The following DAAM1 variants were observed in gnomAD, a reference collection of about 807,000 sequenced individuals.
The protein encoded by DAAM1 is disheveled-associated activator of morphogenesis 1.
In DAAM1, 52 loss-of-function variants were observed where a neutral mutation model predicts 130.0. The observed-to-expected ratio is 0.40, with a 90% confidence interval of 0.32 to 0.50. DAAM1 has a LOEUF of 0.50. Ranked by LOEUF, DAAM1 falls within the 20% of genes least tolerant of loss-of-function variation. DAAM1 has a pLI of 0.61. For synonymous variants in DAAM1, 452 were observed against 444.5 expected (o/e 1.02, Z -0.21); for missense variants, 1,134 against 1,303.8 (o/e 0.87, Z 2.01).
At chr14:59,250,479 C>A (rs540034862) in intron 1 of DAAM1, among the ~76,000 whole-genome samples, 1 of 152,206 alleles carries the variant, frequency 6.6e-6, no homozygotes, top group South Asian at 2.1e-4. Flanking sequence ...GCACAAAAAG[C>A]AAGCTGTAAT....
At chr14:59,285,482 T>C (rs751260351) in intron 2 of DAAM1, among the ~76,000 whole-genome samples, 1 of 152,132 alleles carries the variant, frequency 6.6e-6, no homozygotes, top group Non-Finnish European at 1.5e-5. Flanking sequence ...TCAAAAGGCA[T>C]GGAGTAGCAA....
chr14:59,334,301 T>A (rs1262983923), intron 15 of DAAM1, among the ~76,000 whole-genome samples: 1 of 152,218 alleles, frequency 6.6e-6, no homozygotes, highest in Non-Finnish European at 1.5e-5. Context: ...AATGTCCCCT[T>A]ATCTCATGAC....
chr14:59,271,329 TA>T (rs1347330792), intron 2 of DAAM1, among the ~76,000 whole-genome samples: 1 of 151,726 alleles, frequency 6.6e-6, no homozygotes, highest in Non-Finnish European at 1.5e-5. Context: ...AATGAGAAGG[TA>T]GTGATGGTGG....
chr14:59,263,711 A>G, intron 2 of DAAM1, 51 bp downstream of exon 2: 1 of 1,547,844 alleles, frequency 6.5e-7, no homozygotes, highest in Non-Finnish European at 8.9e-7. Flanking sequence ...GAGAAGGAGA[A>G]GAGGAGAGGA....
rs149885754 is a variant in DAAM1, at chr14:59,289,268, A to G, written c.184-1949A>G. On this transcript the variant is annotated intron_variant, in intron 2 of 24. Transcript: ENST00000360909. ...TAATAGGAACTCACTCGCTCATCAC[A>G]AAAACAGTGAGGGGGAATCCACCCC... 1.6e-4 allele frequency among the ~76,000 whole-genome samples: 25 copies of G among 152,218 alleles called. No homozygotes were observed. In the East Asian group the frequency reaches 4.6e-3, roughly 28 times the overall value.
At chr14:59,198,461 CCT>C in intron 1 of DAAM1, among the ~76,000 whole-genome samples, 1 of 152,206 alleles carries the variant, frequency 6.6e-6, no homozygotes, top group East Asian at 1.9e-4. Context: ...GAACTCCTGA[CCT>C]CATGATCCGC....
chr14:59,281,441 A>G (rs1057444424), intron 2 of DAAM1, among the ~76,000 whole-genome samples: 1 of 152,070 alleles, frequency 6.6e-6, no homozygotes, highest in Non-Finnish European at 1.5e-5. Flanking sequence ...CTTGCCTTGT[A>G]TCAGACCTTA....
chr14:59,342,852 C>T (rs1014911959), intron 16 of DAAM1, among the ~76,000 whole-genome samples: 4 of 151,884 alleles, frequency 2.6e-5, no homozygotes, highest in African/African-American at 4.8e-5. Context: ...GAGGAGGGGC[C>T]GGGAAGGTGG....
intron 23 of DAAM1, 109 bp downstream of exon 23, chr14:59,363,891 C>G: frequency 1.4e-6 from 2 of 1,465,872 alleles, no homozygotes; most frequent in Non-Finnish European, 1.8e-6. Flanking sequence ...ATCCAAACTT[C>G]GTGGTGCAGG....
intron 2 of DAAM1, among the ~76,000 whole-genome samples, chr14:59,277,129 C>A (rs915253502): frequency 6.6e-6 from 1 of 152,002 alleles, no homozygotes; most frequent in African/African-American, 2.4e-5. Flanking sequence ...ATAAATGATC[C>A]CATATTTCAG....
intron 17 of DAAM1, among the ~76,000 whole-genome samples, chr14:59,352,079 G>A (rs918817839): frequency 6.6e-5 from 10 of 152,180 alleles, no homozygotes; most frequent in Non-Finnish European, 8.8e-5. Flanking sequence ...ATTCCAGCAT[G>A]ATGTAACAGA....
intron 16 of DAAM1, among the ~76,000 whole-genome samples, chr14:59,344,370 T>C (rs116458327): frequency 5.3e-4 from 81 of 152,372 alleles, no homozygotes; most frequent in African/African-American, 1.9e-3. Flanking sequence ...TGTTTTAAGA[T>C]GGCTGGTTTG....
chr14:59,352,375 C>A (rs1459742332), intron 17 of DAAM1, 151 bp from the exon 18 acceptor site: 4 of 544,724 alleles, frequency 7.3e-6, no homozygotes, highest in Non-Finnish European at 1.3e-5. Flanking sequence ...AAGATTTAAT[C>A]ATTTCTATTG....
At chr14:59,344,442 C>G (rs1341313578) in intron 16 of DAAM1, among the ~76,000 whole-genome samples, 1 of 152,190 alleles carries the variant, frequency 6.6e-6, no homozygotes, top group Non-Finnish European at 1.5e-5. Flanking sequence ...TCTGGCACTT[C>G]AGAACACTGC....
At chr14:59,278,230 T>C (rs2139536343) in intron 2 of DAAM1, among the ~76,000 whole-genome samples, 1 of 152,200 alleles carries the variant, frequency 6.6e-6, no homozygotes, top group South Asian at 2.1e-4. Context: ...CACGAGGTAG[T>C]GTTAGCCTAC....
chr14:59,213,344 C>T (rs1476742508), intron 1 of DAAM1, among the ~76,000 whole-genome samples: 3 of 89,454 alleles, frequency 3.4e-5, no homozygotes, highest in Non-Finnish European at 4.1e-5. Context: ...GATTTCACAG[C>T]TTACCAAAAA....
At chr14:59,366,179 T>TTGAG (rs1321504347) in intron 23 of DAAM1, among the ~76,000 whole-genome samples, 1 of 152,162 alleles carries the variant, frequency 6.6e-6, no homozygotes, top group African/African-American at 2.4e-5. Context: ...GCCTAGGTGT[T>TTGAG]TGAGTCCAGC....
intron 20 of DAAM1, 183 bp from the exon 21 acceptor site, chr14:59,359,214 T>A: frequency 2.0e-6 from 1 of 503,948 alleles, no homozygotes; most frequent in South Asian, 3.3e-5. Context: ...TATTCCTGTC[T>A]CTTGAGAATC....
At chr14:59,231,270 AAACT>A (rs779653858) in intron 1 of DAAM1, among the ~76,000 whole-genome samples, 34 of 152,344 alleles carry the variant, frequency 2.2e-4, no homozygotes, top group Non-Finnish European at 3.8e-4. Flanking sequence ...CGATTAAATC[AAACT>A]AACATCTTAT....
Sources: gnomAD v4.1 joint callset for allele counts (sites outside exome capture counted in the v4.1 genomes callset) on GRCh38, gnomAD v4.1.1 for gene constraint, MANE v1.5 for transcripts, NCBI Gene and HGNC (gene_info 2026-07-23, HGNC 2026-07-21) for gene names.